Variants in ARID1A observed in about 807,000 individuals in gnomAD.
ARID1A encodes the protein AT-rich interactive domain-containing protein 1A.
In ARID1A, 20 loss-of-function variants were observed where a neutral mutation model predicts 212.6. The observed-to-expected ratio is 0.09, with a 90% CI of 0.07 to 0.14. The LOEUF (loss-of-function observed/expected upper bound fraction) is 0.14. Ranked by LOEUF, ARID1A falls within the 10% of genes least tolerant of loss-of-function variation. The pLI, the probability that ARID1A is intolerant of heterozygous loss-of-function variation, is 1.00. For synonymous variants in ARID1A, 1,376 were observed against 1,222.1 expected (o/e 1.13, Z -2.63); for missense variants, 2,587 against 3,059.0 (o/e 0.85, Z 3.64).
At position 26,762,275 on chromosome 1, in the gene ARID1A, C is replaced by G. The variant is rs2124064219; in HGVS notation, c.2375C>G (p.Ser792Cys). 1 of 1,614,190 alleles carries G rather than the reference C, an allele frequency of 6.2e-7. No individual in the cohort carries two copies. The highest frequency in any genetic ancestry group is 8.5e-7 in the Non-Finnish European group (1 of 1,180,042). Reference protein sequence around the residue: ...HTGMGSYQQNSMGSYGPQGGQ... With the variant: ...HTGMGSYQQNCMGSYGPQGGQ... The stretch of plus-strand genomic sequence containing the variant: ...GGCATGGGCTCCTACCAGCAGAACT[C>G]CATGGGGAGCTATGGTCCCCAGGGG... Residue 792 changes from serine to cysteine, a missense_variant, in exon 7 of 20, where the codon TCC becomes TGC. Physicochemically the swap from Ser to Cys is moderately radical, Grantham distance 112. Transcript: ENST00000324856.
rs2080672701 is a variant in ARID1A at position 26,731,192 on chromosome 1, A to G, written c.1391A>G (p.Gln464Arg). 1 of 1,614,082 alleles carries G rather than the reference A, an allele frequency of 6.2e-7. No individual in the cohort carries two copies. Among genetic ancestry groups the G allele is most frequent in the Non-Finnish European group, 8.5e-7 (1 of 1,179,996 alleles). Residue 464 changes from glutamine to arginine, a missense_variant, in exon 3 of 20, where the codon CAA becomes CGA. By Grantham distance (43) the Gln-to-Arg change is conservative. Transcript: ENST00000324856. ...CAACAAGGCCCCAGCGGGTATGGTC[A>G]ACAGGGCCAGACTCCATATTACAAC... ...YGQQGPSGYG[Q>R]QGQTPYYNQQ...
At chr1:26,699,402 C>T (rs1177661155) in intron 1 of ARID1A, among the ~76,000 whole-genome samples, 1 of 152,228 alleles carries the variant, frequency 6.6e-6, no homozygotes, top group African/African-American at 2.4e-5. Context: ...TTCATCCCCT[C>T]CCAAACCCCT....
rs146047233 is a variant in ARID1A, at chr1:26,763,018, A to G, written c.2465A>G (p.Asn822Ser). 1.9e-5 allele frequency: 30 copies of G among 1,610,278 alleles called. No individual in the cohort carries two copies. The highest frequency in any genetic ancestry group is 1.8e-4 in the Admixed American group (11 of 59,940). The change falls in exon 8 of 20, where the codon AAC becomes AGC. Residue 822 changes from asparagine to serine, a missense_variant. Coordinates refer to ENST00000324856, the MANE Select transcript of ARID1A (RefSeq NM_006015.6). ...QPNYNALPNA[N>S]YPSAGMAGGI... ...AACTATAATGCCTTGCCCAATGCCA[A>G]CTACCCCAGTGCAGGCATGGCTGGA...
In ARID1A at chr1:26,779,896, G is replaced by A; in HGVS notation, c.5998G>A (p.Glu2000Lys). 1.9e-6 allele frequency: 3 copies of A among 1,614,124 alleles called. No homozygotes were observed. The highest frequency in any genetic ancestry group is 2.5e-6 in the Non-Finnish European group (3 of 1,180,020). Reference protein sequence around the residue: ...SLSFVPGNDFEMSKHPGLLLI... With the variant: ...SLSFVPGNDFKMSKHPGLLLI... ...GTCATTTGTGCCAGGCAATGACTTT[G>A]AGATGTCCAAACACCCAGGGCTGCT... Residue 2000 changes from glutamate to lysine, a missense_variant, in exon 20 of 20, where the codon GAG (glutamate) becomes AAG (lysine). This residue lies in a region of ARID1A where 168 missense variants were observed against 321.0 expected (regional missense o/e 0.52). Coordinates refer to ENST00000324856, the MANE Select transcript of ARID1A (RefSeq NM_006015.6).
intron 1 of ARID1A, among the ~76,000 whole-genome samples, chr1:26,716,383 C>T (rs2124769960): frequency 6.6e-6 from 1 of 152,160 alleles, no homozygotes. Flanking sequence ...AATATGTAAG[C>T]AGATAAGCAC....
At chr1:26,756,493 T>C (rs528726903) in intron 4 of ARID1A, among the ~76,000 whole-genome samples, 25 of 151,284 alleles carry the variant, frequency 1.7e-4, no homozygotes, top group African/African-American at 5.8e-4. Context: ...GAGGTGGAAG[T>C]TGCAGTGAGC....
intron 4 of ARID1A, among the ~76,000 whole-genome samples, chr1:26,756,577 A>AC (rs1557605213): frequency 6.6e-6 from 1 of 151,482 alleles, no homozygotes; most frequent in Non-Finnish European, 1.5e-5. Flanking sequence ...AAAAAAAAAA[A>AC]ACAAAAAAAC....
chr1:26,704,069 A>G (rs576033771), intron 1 of ARID1A, among the ~76,000 whole-genome samples: 48 of 152,330 alleles, frequency 3.2e-4, no homozygotes, highest in Non-Finnish European at 3.7e-4. Flanking sequence ...GCTATTCTTA[A>G]GTTCCATGGG....
intron 1 of ARID1A, chr1:26,729,428 G>C: frequency 3.5e-6 from 2 of 567,982 alleles, no homozygotes; most frequent in Non-Finnish European, 6.3e-6. Context: ...AGCTTACAAG[G>C]TGTTTTCACA....
intron 4 of ARID1A, among the ~76,000 whole-genome samples, chr1:26,748,386 G>A (rs2080856130): frequency 6.6e-6 from 1 of 152,030 alleles, no homozygotes; most frequent in Non-Finnish European, 1.5e-5. Flanking sequence ...CTTTACTCAA[G>A]TTCTAAGATT....
Position 26,696,651 on chromosome 1 carries a change from G to GCGGCGGCGGCGGAGC in ARID1A, c.253_267dup (p.Gly85_Gly89dup), listed in dbSNP as rs1553145905. ...GACGGGGCCGAGAGCAATGGGGGTG[G>GCGGCGGCGGCGGAGC]CGGCGGCGGCGGAGCCGGCAGCGGC... On this transcript the variant is annotated inframe_insertion, in exon 1 of 20. Coordinates refer to ENST00000324856, the MANE Select transcript of ARID1A (RefSeq NM_006015.6). 4.6e-6 allele frequency: 6 copies of GCGGCGGCGGCGGAGC among 1,304,162 alleles called. No individual in the cohort carries two copies. The highest frequency in any genetic ancestry group is 2.4e-5 in the South Asian group (1 of 42,080). The allele number at this position is 1,304,162 out of a possible 1,614,324, so 80.8% of individuals were successfully genotyped here. A position where few individuals can be genotyped will look rare whatever the true frequency, so the allele number is the denominator to read the frequency against.
In ARID1A at chr1:26,780,938, A is replaced by C; in HGVS notation, c.*182A>C. ...TCCTCCTTCCACCTCCCCTCCCTCC[A>C]TCACCTCACGCCTTTCTGTTCCTTG... On this transcript the variant is annotated 3_prime_UTR_variant, in exon 20 of 20. Transcript: ENST00000324856. This position sits in a 1 kb window ranked among gnomAD's most constrained non-coding sequence, Gnocchi z 7.2. 9 of 784,260 alleles carry C rather than the reference A, an allele frequency of 1.1e-5. No individual in the cohort carries two copies. The highest frequency in any genetic ancestry group is 5.6e-5 in the East Asian group (2 of 35,530). The allele number at this position is 784,260 out of a possible 1,614,324, so 48.6% of individuals were successfully genotyped here. A position where few individuals can be genotyped will look rare whatever the true frequency, so the allele number is the denominator to read the frequency against.
intron 1 of ARID1A, among the ~76,000 whole-genome samples, chr1:26,697,756 C>G (rs1479760651): frequency 6.6e-6 from 1 of 150,986 alleles, no homozygotes; most frequent in South Asian, 2.1e-4. Context: ...CCAGAGGTGT[C>G]TGCTCCTCTT....
intron 4 of ARID1A, among the ~76,000 whole-genome samples, chr1:26,737,754 A>G (rs1440433059): frequency 5.9e-5 from 9 of 151,958 alleles, no homozygotes; most frequent in Non-Finnish European, 1.2e-4. Context: ...AATCCCAGCT[A>G]CTAGGGAGGC....
intron 4 of ARID1A, among the ~76,000 whole-genome samples, chr1:26,748,526 C>T (rs1324586127): frequency 6.6e-6 from 1 of 151,982 alleles, no homozygotes; most frequent in African/African-American, 2.4e-5. Flanking sequence ...CTCTTACTTC[C>T]TGCTGGGATT....
rs2124742293 is a variant in ARID1A at position 26,696,929 on chromosome 1, C to G, written c.526C>G (p.Gln176Glu). ...AAVFHQQHGG[Q>E]QSPGLAALQS... ...CGTCTTCCACCAACAACATGGCGGA[C>G]AACAAAGCCCTGGCCTGGCAGCGCT... Residue 176 changes from glutamine (Q) to glutamate (E), a missense_variant, in exon 1 of 20, where the codon CAA (glutamine) becomes GAA (glutamate). Physicochemically the swap from Gln to Glu is conservative, Grantham distance 29 (BLOSUM62 2). Coordinates refer to ENST00000324856, the MANE Select transcript of ARID1A (RefSeq NM_006015.6). 7.0e-7 allele frequency: 1 copy of G among 1,433,260 alleles called. No individual in the cohort carries two copies. The highest frequency in any genetic ancestry group is 1.6e-5 in the South Asian group (1 of 64,036). The allele number at this position is 1,433,260 out of a possible 1,614,324, so 88.8% of individuals were successfully genotyped here.
In ARID1A at chr1:26,772,484, G is replaced by C. The variant is rs2124103552; in HGVS notation, c.3407-16G>C. ...TCATGCCAAGCAAACTACTCAACTT[G>C]TATCTCTGTCCACAGCGGGATCAGG... On this transcript the variant is annotated splice_polypyrimidine_tract_variant and intron_variant, in intron 12 of 19. Transcript: ENST00000324856. 1 of 1,614,160 alleles carries C rather than the reference G, an allele frequency of 6.2e-7. No homozygotes were observed. Among genetic ancestry groups the C allele is most frequent in the Non-Finnish European group, 8.5e-7 (1 of 1,180,018 alleles).
chr1:26,704,385 C>T (rs1432692099), intron 1 of ARID1A, among the ~76,000 whole-genome samples: 2 of 152,058 alleles, frequency 1.3e-5, no homozygotes, highest in Non-Finnish European at 2.9e-5. Context: ...AGTTAGTTGA[C>T]CTTTCTTAAA....
Position 26,696,793 on chromosome 1 carries a change from T to C in ARID1A, c.390T>C (p.Asp130=). ...GCGGCGGCGGTGGCGGCAGCAGCGA[T>C]GGGGTGGGGGCGCCTCCTCACTCAG... ...PPGGGGGGSS[D]GVGAPPHSAA... The change falls in exon 1 of 20, where the codon GAT becomes GAC. Residue 130 remains aspartate (D), a synonymous_variant. Coordinates refer to ENST00000324856, the MANE Select transcript of ARID1A (RefSeq NM_006015.6). The C allele has an allele frequency of 7.5e-7, 1 of 1,332,426 alleles. No homozygotes were observed. 82.5% of individuals were successfully genotyped at this position (1,332,426 alleles called of 1,614,324 possible).
Sources: gnomAD v4.1 joint callset for allele counts (sites outside exome capture counted in the v4.1 genomes callset) on GRCh38, gnomAD v4.1.1 for gene constraint, gnomAD v4.1.1 regional missense constraint, Gnocchi (gnomAD v3.1) non-coding constraint, MANE v1.5 for transcripts, NCBI Gene and HGNC (gene_info 2026-07-23, HGNC 2026-07-21) for gene names.